The following RAB11FIP4 variants were observed in gnomAD, a reference collection of about 807,000 sequenced individuals.
RAB11FIP4 encodes RAB11 family interacting protein 4.
Under a neutral mutation model 74.3 loss-of-function variants are expected in RAB11FIP4, and 23 were observed. The observed-to-expected ratio is 0.31, with a 90% CI of 0.22 to 0.44. The LOEUF is 0.44. RAB11FIP4 is among the 20% of genes least tolerant of loss of function. The probability of loss-of-function intolerance (pLI) is 1.00; values close to 1 mark genes in which losing one functional copy is unlikely to be tolerated. For missense variants in RAB11FIP4, 630 were observed against 863.9 expected, an observed-to-expected ratio of 0.73 and a Z score of 3.39; for synonymous variants, 360 against 359.9, an observed-to-expected ratio of 1.00 and a Z score of 0.00.
At chr17:31,437,948 G>A (rs977791611) in intron 3 of RAB11FIP4, among the ~76,000 whole-genome samples, 11 of 152,190 alleles carry the variant, frequency 7.2e-5, no homozygotes, top group African/African-American at 2.7e-4. Flanking sequence ...CGTCCCCAGA[G>A]CCCTGCGAGA....
intron 3 of RAB11FIP4, among the ~76,000 whole-genome samples, chr17:31,507,940 C>G (rs1035116182): frequency 6.6e-6 from 1 of 152,180 alleles, no homozygotes; most frequent in African/African-American, 2.4e-5. Flanking sequence ...GATTCTCTAT[C>G]CTCAGCCTCT....
intron 3 of RAB11FIP4, among the ~76,000 whole-genome samples, chr17:31,461,090 C>T (rs2071629819): frequency 6.6e-6 from 1 of 151,120 alleles, no homozygotes; most frequent in Admixed American, 6.6e-5. Flanking sequence ...CCACAGACCC[C>T]TACTCATAGC....
chr17:31,393,898 G>A (rs954995764), intron 1 of RAB11FIP4, among the ~76,000 whole-genome samples: 2 of 151,980 alleles, frequency 1.3e-5, no homozygotes, highest in Non-Finnish European at 2.9e-5. Context: ...ACCGCCCCCC[G>A]CCGCCCCCAC....
At chr17:31,485,631 GGACAC>G (rs2071893083) in intron 3 of RAB11FIP4, among the ~76,000 whole-genome samples, 2 of 152,148 alleles carry the variant, frequency 1.3e-5, no homozygotes, top group Non-Finnish European at 2.9e-5. Flanking sequence ...AAACCTTTTG[GGACAC>G]TGCTGAGCTT....
Position 31,528,677 on chromosome 17 carries a change from G to C in RAB11FIP4, c.1552G>C (p.Glu518Gln). The change falls in exon 13 of 15, where the codon GAG becomes CAG. Residue 518 changes from glutamate (E) to glutamine (Q), a missense_variant. Physicochemically the swap from Glu to Gln is conservative, Grantham distance 29. Transcript: ENST00000621161. ...CCTGCAGATGTACAAGCTGGACTGC[G>C]AGCGGCCAGGCAGGGGCCGCAGTGC... ...EHLQMYKLDC[E>Q]RPGRGRSASS... The C allele has an allele frequency of 6.2e-7, 1 of 1,612,902 alleles. No individual in the cohort carries two copies. The highest frequency in any genetic ancestry group is 8.5e-7 in the Non-Finnish European group (1 of 1,179,682).
chr17:31,531,900 G>A lies in RAB11FIP4; in HGVS notation c.*168G>A. The A allele has an allele frequency of 1.7e-6, 1 of 605,874 alleles. No homozygotes were observed. The allele number at this position is 605,874 out of a possible 1,614,324, so 37.5% of individuals were successfully genotyped here. A position where few individuals can be genotyped will look rare whatever the true frequency, so the allele number is the denominator to read the frequency against. ...GTGGGGAGGCTGTGCACACGAGCGA[G>A]GGGTGAGTGGCCGTGGCTGTGGGCA... is the stretch of plus-strand genomic sequence containing the variant. On this transcript the variant is annotated 3_prime_UTR_variant, in exon 15 of 15. Coordinates refer to ENST00000621161, the MANE Select transcript of RAB11FIP4 (RefSeq NM_032932.6).
intron 5 of RAB11FIP4, 65 bp downstream of exon 5, chr17:31,521,425 AG>A (rs370560609): frequency 2.1e-6 from 3 of 1,434,508 alleles, no homozygotes; most frequent in Non-Finnish European, 2.8e-6. Flanking sequence ...AGCACATCCT[AG>A]GGGGTGGGGG....
At chr17:31,480,140 T>C (rs1400737395) in intron 3 of RAB11FIP4, among the ~76,000 whole-genome samples, 1 of 152,192 alleles carries the variant, frequency 6.6e-6, no homozygotes, top group Admixed American at 6.5e-5. Flanking sequence ...CTTCTGGCCC[T>C]GAGTTCCACT....
At chr17:31,400,989 C>A (rs2070979660) in intron 1 of RAB11FIP4, among the ~76,000 whole-genome samples, 1 of 152,180 alleles carries the variant, frequency 6.6e-6, no homozygotes, top group African/African-American at 2.4e-5. Context: ...TGAGGCTTGG[C>A]CGGGAGCGGT....
chr17:31,496,705 C>T (rs1385755284), intron 3 of RAB11FIP4, among the ~76,000 whole-genome samples: 2 of 152,220 alleles, frequency 1.3e-5, no homozygotes, highest in African/African-American at 4.8e-5. Context: ...GCCTGGATGG[C>T]ACAGACCTCA....
chr17:31,479,321 C>T (rs1212211205), intron 3 of RAB11FIP4, among the ~76,000 whole-genome samples: 1 of 152,238 alleles, frequency 6.6e-6, no homozygotes, highest in Non-Finnish European at 1.5e-5. Flanking sequence ...TTGAGAAGGT[C>T]TCTCACCTTT....
intron 1 of RAB11FIP4, among the ~76,000 whole-genome samples, chr17:31,414,341 C>G (rs2071127345): frequency 6.6e-6 from 1 of 152,240 alleles, no homozygotes; most frequent in Non-Finnish European, 1.5e-5. Flanking sequence ...TTCCTGGGAG[C>G]CTCTCTGTCT....
chr17:31,516,027 G>A lies in RAB11FIP4; in HGVS notation c.337-1624G>A, dbSNP rs1048301218. Among the ~76,000 whole-genome samples, 17 of 152,288 alleles carry A rather than the reference G, an allele frequency of 1.1e-4. 1 individual carries two copies. Among genetic ancestry groups the A allele is most frequent in the Middle Eastern group, 6.8e-3 (2 of 294 alleles). ...GCCCAGACAGGCAGTTGCCTCCTGGGCTGGGCATCACATCTTCTGGCCAGG... is the reference window on the plus strand; with the variant it reads ...GCCCAGACAGGCAGTTGCCTCCTGGACTGGGCATCACATCTTCTGGCCAGG... On this transcript the variant is annotated intron_variant, in intron 3 of 14. Coordinates refer to ENST00000621161, the MANE Select transcript of RAB11FIP4 (RefSeq NM_032932.6).
At chr17:31,416,543 G>C (rs530959649) in intron 1 of RAB11FIP4, among the ~76,000 whole-genome samples, 3 of 152,342 alleles carry the variant, frequency 2.0e-5, no homozygotes, top group African/African-American at 7.2e-5. Flanking sequence ...CGGCCGGCCT[G>C]GGGGTGGCGG....
intron 3 of RAB11FIP4, among the ~76,000 whole-genome samples, chr17:31,504,294 C>G (rs1024375982): frequency 6.7e-6 from 1 of 149,660 alleles, no homozygotes; most frequent in African/African-American, 2.6e-5. Flanking sequence ...CCACGCCCGG[C>G]TAATTTTTTT....
chr17:31,527,489 T>C, intron 10 of RAB11FIP4: 1 of 209,558 alleles, frequency 4.8e-6, no homozygotes, highest in South Asian at 1.1e-4. Context: ...TAATCCCAGC[T>C]ATTCAGGAGG....
chr17:31,461,379 C>T (rs1349949079), intron 3 of RAB11FIP4, among the ~76,000 whole-genome samples: 1 of 152,190 alleles, frequency 6.6e-6, no homozygotes, highest in African/African-American at 2.4e-5. Flanking sequence ...GAGCACTTAG[C>T]TTGGCACTGA....
At chr17:31,500,711 A>C (rs12602098) in intron 3 of RAB11FIP4, among the ~76,000 whole-genome samples, 35,857 of 152,172 alleles carry the variant, frequency 0.24, 4,660 homozygotes, top group East Asian at 0.5. Context: ...GAATACTTAT[A>C]CTACTGAGAG....
At chr17:31,522,694 G>A in intron 7 of RAB11FIP4, 1 of 470,798 alleles carries the variant, frequency 2.1e-6, no homozygotes, top group Non-Finnish European at 3.8e-6. Flanking sequence ...AGCGTTCAGT[G>A]CCCTTCCTGC....
Sources: allele counts gnomAD v4.1 joint callset (sites outside exome capture counted in the v4.1 genomes callset), GRCh38; gene constraint gnomAD v4.1.1; transcripts MANE v1.5; gene names NCBI Gene and HGNC (gene_info 2026-07-23, HGNC 2026-07-21).